EDC3: variants seen among roughly 807,000 people sequenced by gnomAD.
EDC3 encodes enhancer of mRNA decapping 3.
A neutral mutation model predicts 41.8 loss-of-function variants in EDC3; 20 were observed. The observed-to-expected ratio is 0.48, with a 90% CI of 0.34 to 0.70. The LOEUF is 0.70. Ranked by LOEUF, EDC3 falls within the 30% of genes least tolerant of loss-of-function variation. EDC3 has a pLI of 0.01. For missense variants in EDC3, 444 were observed against 636.8 expected, an observed-to-expected ratio of 0.70 and a Z score of 3.26; for synonymous variants, 206 against 243.2, an observed-to-expected ratio of 0.85 and a Z score of 1.42.
At chr15:74,680,431 CA>C (rs1424929703) in intron 1 of EDC3, among the ~76,000 whole-genome samples, 5 of 151,978 alleles carry the variant, frequency 3.3e-5, no homozygotes, top group African/African-American at 1.2e-4. Flanking sequence ...ATGCATTTGA[CA>C]AAATCGAACA....
intron 4 of EDC3, chr15:74,640,988 G>T: frequency 4.0e-6 from 1 of 247,848 alleles, no homozygotes; most frequent in Non-Finnish European, 7.9e-6. Context: ...TTCCCAAAGT[G>T]GGGGAAATGC....
intron 1 of EDC3, chr15:74,679,822 G>A (rs905691744): frequency 2.6e-5 from 4 of 151,360 alleles, no homozygotes; most frequent in Non-Finnish European, 4.4e-5. Flanking sequence ...AGCTACTTGG[G>A]AGCCTGAGGC....
chr15:74,687,450 T>G (rs1005335348), intron 1 of EDC3, among the ~76,000 whole-genome samples: 1 of 152,228 alleles, frequency 6.6e-6, no homozygotes, highest in Non-Finnish European at 1.5e-5. Flanking sequence ...CTTGGCTCAC[T>G]GCAACTTCTG....
rs1212175835 is a variant in EDC3 at position 74,671,999 on chromosome 15, C to T, written c.165-225G>A. 5.9e-5 allele frequency among the ~76,000 whole-genome samples: 9 copies of T among 151,950 alleles called. No homozygotes were observed. Among genetic ancestry groups the T allele is most frequent in the Admixed American group, 1.3e-4 (2 of 15,248 alleles). On this transcript the variant is annotated intron_variant, in intron 2 of 6. Transcript: ENST00000315127. The surrounding 1 kb of genome is among the most constrained non-coding windows in gnomAD (Gnocchi z 4.6). Reference sequence around the variant, plus strand: ...GCTATTGGCCGGGCACGGTGGCTCACGCCTGTAATCCCAGCACTTTGGGAG... The same window carrying T: ...GCTATTGGCCGGGCACGGTGGCTCATGCCTGTAATCCCAGCACTTTGGGAG...
intron 2 of EDC3, among the ~76,000 whole-genome samples, chr15:74,674,362 G>A (rs2062777011): frequency 6.6e-6 from 1 of 152,136 alleles, no homozygotes; most frequent in African/African-American, 2.4e-5. Flanking sequence ...TGCTGCCTTG[G>A]CCTCCCAAAG....
rs530081073 is a variant in EDC3 at position 74,680,154 on chromosome 15, G to A, written c.-18-5012C>T. 5.0e-4 allele frequency among the ~76,000 whole-genome samples: 74 copies of A among 149,332 alleles called. 1 individual carries two copies. The highest frequency in any genetic ancestry group is 1.7e-3 in the African/African-American group (70 of 40,554). ...GCGTGCTCCTGAGTCCCAGCTACTC[G>A]AGAGGCTGAGGCAGGAGAATGATGG... On this transcript the variant is annotated intron_variant, in intron 1 of 6. Transcript: ENST00000315127.
At chr15:74,693,567 G>A (rs760910065) in intron 1 of EDC3, among the ~76,000 whole-genome samples, 27 of 152,100 alleles carry the variant, frequency 1.8e-4, no homozygotes, top group Non-Finnish European at 3.4e-4. Flanking sequence ...TTAGATCACC[G>A]GAATTCCAGC....
intron 3 of EDC3, among the ~76,000 whole-genome samples, chr15:74,661,356 A>C (rs2062617736): frequency 6.6e-6 from 1 of 152,220 alleles, no homozygotes; most frequent in Admixed American, 6.5e-5. Flanking sequence ...TATACTCTAC[A>C]TCAAAACTCT....
rs189337090 is a variant in EDC3, at chr15:74,665,651, C to T, written c.484+5804G>A. Reference sequence around the variant, plus strand: ...ATGATTCTTTAAACCCACTCCCACCCGAAAAGAGATTAAAATCTGCTTGTG... The same window carrying T: ...ATGATTCTTTAAACCCACTCCCACCTGAAAAGAGATTAAAATCTGCTTGTG... On this transcript the variant is annotated intron_variant, in intron 3 of 6. Transcript: ENST00000315127. Among the ~76,000 whole-genome samples the T allele has an allele frequency of 3.3e-5, 5 of 152,196 alleles. No individual in the cohort carries two copies. In the East Asian group the frequency reaches 7.7e-4, roughly 24 times the overall value.
intron 6 of EDC3, 61 bp from the exon 7 acceptor site, chr15:74,633,007 A>ACTAGGGCCCAGGT: frequency 6.5e-7 from 1 of 1,545,612 alleles, no homozygotes; most frequent in Non-Finnish European, 8.8e-7. Flanking sequence ...CCAGGCTGGG[A>ACTAGGGCCCAGGT]CTAGGGCCCA....
At chr15:74,675,422 ATC>A (rs969875568) in intron 1 of EDC3, among the ~76,000 whole-genome samples, 1 of 151,796 alleles carries the variant, frequency 6.6e-6, no homozygotes, top group Non-Finnish European at 1.5e-5. Context: ...ACAAACTATA[ATC>A]TGTTTATATT....
At chr15:74,645,569 G>C (rs533582711) in intron 4 of EDC3, among the ~76,000 whole-genome samples, 4 of 146,210 alleles carry the variant, frequency 2.7e-5, no homozygotes, top group Non-Finnish European at 4.5e-5. Context: ...AAAGTTGGGG[G>C]GGGGGGGGTG....
At chr15:74,686,850 G>A (rs951310471) in intron 1 of EDC3, among the ~76,000 whole-genome samples, 1 of 152,060 alleles carries the variant, frequency 6.6e-6, no homozygotes, top group African/African-American at 2.4e-5. Flanking sequence ...CAGCCGCAAT[G>A]GCTCACGCCT....
chr15:74,695,530 T>C, intron 1 of EDC3: 1 of 152,316 alleles, frequency 6.6e-6, no homozygotes, highest in Non-Finnish European at 1.5e-5. Flanking sequence ...TCTGCCACCG[T>C]ATCTCATTAT....
chr15:74,694,182 A>G (rs1486680450), intron 1 of EDC3, among the ~76,000 whole-genome samples: 1 of 152,192 alleles, frequency 6.6e-6, no homozygotes, highest in African/African-American at 2.4e-5. Context: ...TAATTACAGA[A>G]TCTCACAAAT....
chr15:74,634,599 C>T (rs1405282492), intron 6 of EDC3, among the ~76,000 whole-genome samples: 5 of 152,310 alleles, frequency 3.3e-5, no homozygotes, highest in East Asian at 3.9e-4. Flanking sequence ...TCTCAGTGAT[C>T]GCACCTCAGT....
intron 2 of EDC3, 140 bp downstream of exon 2, chr15:74,674,821 C>T (rs1029740704): frequency 2.0e-6 from 2 of 981,056 alleles, no homozygotes. Flanking sequence ...TCGAGACCAG[C>T]CTGGCCAACA....
intron 4 of EDC3, chr15:74,640,950 A>G (rs1266295814): frequency 3.4e-6 from 1 of 292,592 alleles, no homozygotes; most frequent in Admixed American, 5.1e-5. Context: ...ACAGCAACCT[A>G]TCAGGCACAT....
intron 1 of EDC3, among the ~76,000 whole-genome samples, chr15:74,683,486 G>C (rs1567180941): frequency 6.6e-6 from 1 of 152,180 alleles, no homozygotes; most frequent in African/African-American, 2.4e-5. Context: ...AGTGAGCTGA[G>C]GTCAAGGTCG....
Sources: allele counts gnomAD v4.1 joint callset (sites outside exome capture counted in the v4.1 genomes callset), GRCh38; gene constraint gnomAD v4.1.1; non-coding constraint Gnocchi (gnomAD v3.1); transcripts MANE v1.5; gene names NCBI Gene and HGNC (gene_info 2026-07-23, HGNC 2026-07-21).